The following MRPL38 variants were observed in gnomAD, a reference collection of about 807,000 sequenced individuals.
The protein encoded by MRPL38 is large ribosomal subunit protein mL38.
In MRPL38, 51 loss-of-function variants were observed where a neutral mutation model predicts 52.1. That is an observed-to-expected ratio of 0.98 (90% confidence interval 0.78 to 1.24). The LOEUF (loss-of-function observed/expected upper bound fraction) is 1.24, where lower values mean the gene tolerates loss of function less well. MRPL38 is among the 50% of genes most tolerant of loss of function. MRPL38 has a pLI of 0.00. For synonymous variants in MRPL38, 245 were observed against 212.7 expected (o/e 1.15, Z -1.32); for missense variants, 527 against 518.6 (o/e 1.02, Z -0.16).
chr17:75,902,155 C>G lies in MRPL38; in HGVS notation c.248-1G>C. 6.4e-7 allele frequency: 1 copy of G among 1,555,502 alleles called. No homozygotes were observed. Among genetic ancestry groups the G allele is most frequent in the Non-Finnish European group, 8.7e-7 (1 of 1,149,292 alleles). On this transcript the variant is annotated splice_acceptor_variant, in intron 2 of 8. Coordinates refer to ENST00000309352, the MANE Select transcript of MRPL38 (RefSeq NM_032478.4). LOFTEE classifies it high-confidence loss of function. The stretch of plus-strand genomic sequence containing the variant: ...CCAATATCAATCTTCTCTTTGGGAT[C>G]TGGAGTGGGAAGATGTGTGGGAAAA...
chr17:75,903,442 T>C (rs1287504241), intron 2 of MRPL38, among the ~76,000 whole-genome samples: 10 of 152,050 alleles, frequency 6.6e-5, no homozygotes, highest in Admixed American at 5.9e-4. Flanking sequence ...AACGAAAACA[T>C]ACTGAGCCCT....
rs1039187188 is a variant in MRPL38, at chr17:75,904,232, T to C, written c.247+308A>G. On this transcript the variant is annotated intron_variant, in intron 2 of 8. Transcript: ENST00000309352. Reference sequence around the variant, plus strand: ...TGTGGCCAGAGTTACCTACAGAGTATTTGAGGCGCACAGAACGGCATCCCA... The same window carrying C: ...TGTGGCCAGAGTTACCTACAGAGTACTTGAGGCGCACAGAACGGCATCCCA... The C allele has an allele frequency of 7.1e-6, 4 of 563,334 alleles. No homozygotes were observed. In the African/African-American group the frequency reaches 7.5e-5, roughly 11 times the overall value. 34.9% of individuals were successfully genotyped at this position (563,334 alleles called of 1,614,324 possible).
At chr17:75,904,049 C>T (rs1300172436) in intron 2 of MRPL38, among the ~76,000 whole-genome samples, 1 of 152,142 alleles carries the variant, frequency 6.6e-6, no homozygotes, top group Non-Finnish European at 1.5e-5. Context: ...TTTTTTGAGT[C>T]ACCCTGCCCA....
chr17:75,904,349 G>A, intron 2 of MRPL38, 191 bp downstream of exon 2: 1 of 727,012 alleles, frequency 1.4e-6, no homozygotes, highest in Non-Finnish European at 2.5e-6. Flanking sequence ...CAAGAATGAG[G>A]TGCAGAAGGT....
intron 6 of MRPL38, 165 bp from the exon 7 acceptor site, chr17:75,899,839 C>A: frequency 2.0e-6 from 1 of 490,068 alleles, no homozygotes. Flanking sequence ...AACGCCGGGA[C>A]ATGCTGCAAA....
chr17:75,900,775 G>C lies in MRPL38; in HGVS notation c.710+207C>G, dbSNP rs921595102. On this transcript the variant is annotated intron_variant, in intron 6 of 8. Coordinates refer to ENST00000309352, the MANE Select transcript of MRPL38 (RefSeq NM_032478.4). ...ATGAGGAGGCTTGTGGGGACTGACC[G>C]AGGCCTACTGCAAACTTTGTCTCCT... 10 of 1,387,830 alleles carry C rather than the reference G, an allele frequency of 7.2e-6. No individual in the cohort carries two copies. The South Asian group carries it at 1.4e-4, about 20-fold the overall frequency. 86.0% of individuals were successfully genotyped at this position (1,387,830 alleles called of 1,614,324 possible).
intron 2 of MRPL38, among the ~76,000 whole-genome samples, chr17:75,903,185 G>A (rs1254531504): frequency 6.6e-6 from 1 of 152,210 alleles, no homozygotes; most frequent in African/African-American, 2.4e-5. Flanking sequence ...GAGGCAGGGG[G>A]ATCACTTGAG....
At position 75,901,877 on chromosome 17, in the gene MRPL38, G is replaced by A; in HGVS notation, c.426C>T (p.Thr142=). Residue 142 remains threonine (T), a synonymous_variant, in exon 4 of 9, where the codon ACC becomes ACT. Coordinates refer to ENST00000309352, the MANE Select transcript of MRPL38 (RefSeq NM_032478.4). This position sits in a 1 kb window ranked among gnomAD's most constrained non-coding sequence, Gnocchi z 5.7. ...LDAVRAEWER[T]CGPYHKQRLA... is the part of the protein sequence containing the mutation. ...GACGCTGCTTGTGGTAGGGGCCACA[G>A]GTCCTCTCCCACTCGGCCCGCACGG... 1 of 1,612,848 alleles carries A rather than the reference G, an allele frequency of 6.2e-7. No individual in the cohort carries two copies. Among genetic ancestry groups the A allele is most frequent in the Non-Finnish European group, 8.5e-7 (1 of 1,179,750 alleles).
chr17:75,899,704 C>T, intron 6 of MRPL38, 30 bp from the exon 7 acceptor site: 1 of 1,532,178 alleles, frequency 6.5e-7, no homozygotes, highest in Non-Finnish European at 8.8e-7. Flanking sequence ...GGTTAATTAC[C>T]ACTCCAGGGA....
At chr17:75,899,458 G>A in intron 7 of MRPL38, 58 bp downstream of exon 7, 1 of 1,537,864 alleles carries the variant, frequency 6.5e-7, no homozygotes, top group Non-Finnish European at 8.8e-7. Flanking sequence ...CTGAGCAAGA[G>A]TGACCGTTCC....
At chr17:75,899,762 A>T in intron 6 of MRPL38, 88 bp from the exon 7 acceptor site, 1 of 1,189,512 alleles carries the variant, frequency 8.4e-7, no homozygotes, top group Non-Finnish European at 1.1e-6. Context: ...AGAGGCTGAC[A>T]TGACTCCCTG....
chr17:75,904,439 A>G, intron 2 of MRPL38, 101 bp downstream of exon 2: 1 of 1,311,760 alleles, frequency 7.6e-7, no homozygotes, highest in Non-Finnish European at 1.0e-6. Context: ...CCCAGCATCC[A>G]CAAGGGCGCC....
Position 75,902,073 on chromosome 17 carries a change from A to G in MRPL38, c.329T>C (p.Ile110Thr), listed in dbSNP as rs921233604. 1.2e-6 allele frequency: 2 copies of G among 1,611,788 alleles called. No homozygotes were observed. Among genetic ancestry groups the G allele is most frequent in the African/African-American group, 2.7e-5 (2 of 74,906 alleles). Residue 110 changes from isoleucine (I) to threonine (T), a missense_variant, in exon 3 of 9, where the codon ATC becomes ACC. Transcript: ENST00000309352. ...TTCCACATTGGCCCGAAGCTCCTGG[A>G]TGGCCTGTTTCCGTTCCAGTAGCTG... ...TQQLLERKQA[I>T]QELRANVEEE...
intron 1 of MRPL38, 39 bp downstream of exon 1, chr17:75,904,770 G>GGGCCCCCC: frequency 1.3e-4 from 63 of 500,360 alleles, no homozygotes; most frequent in East Asian, 3.1e-4. Flanking sequence ...TCGGGCGACA[G>GGGCCCCCC]CCCCCCCCCC....
At chr17:75,904,772 C>CGG in intron 1 of MRPL38, 37 bp downstream of exon 1, 1 of 51,046 alleles carries the variant, frequency 2.0e-5, no homozygotes, top group Non-Finnish European at 2.6e-5. Context: ...GGGCGACAGC[C>CGG]CCCCCCCCCC....
chr17:75,898,937 G>C lies in MRPL38; in HGVS notation c.1056C>G (p.Pro352=). The C allele has an allele frequency of 6.2e-7, 1 of 1,608,270 alleles. No individual in the cohort carries two copies. The highest frequency in any genetic ancestry group is 8.5e-7 in the Non-Finnish European group (1 of 1,178,520). Residue 352 remains proline, a synonymous_variant, in exon 9 of 9, where the codon CCC becomes CCG. Transcript: ENST00000309352. ...GCCGGTGGGGGAAGCGCTTCTGCTT[G>C]GGGTGGTAAGGGGGCGGCCGCACGA... ...FEFVRPPPYH[P]KQKRFPHRQP...
Position 75,901,381 on chromosome 17 carries a change from C to G in MRPL38, c.592-108G>C, listed in dbSNP as rs771517133. The G allele has an allele frequency of 3.8e-5, 42 of 1,102,514 alleles. No individual in the cohort carries two copies. The highest frequency in any genetic ancestry group is 5.0e-5 in the Non-Finnish European group (37 of 744,766). The allele number at this position is 1,102,514 out of a possible 1,614,324, so 68.3% of individuals were successfully genotyped here. On this transcript the variant is annotated intron_variant, in intron 4 of 8. Coordinates refer to ENST00000309352, the MANE Select transcript of MRPL38 (RefSeq NM_032478.4). This position sits in a 1 kb window ranked among gnomAD's most constrained non-coding sequence, Gnocchi z 5.7. ...TCTGACCCAAAAGCCCTTGACAACCCCTGGCACAGGCAGGCAGGCAAAGGG... is the reference window on the plus strand; with the variant it reads ...TCTGACCCAAAAGCCCTTGACAACCGCTGGCACAGGCAGGCAGGCAAAGGG...
intron 6 of MRPL38, 131 bp from the exon 7 acceptor site, chr17:75,899,805 C>T (rs1039195911): frequency 2.6e-5 from 19 of 745,022 alleles, no homozygotes; most frequent in Non-Finnish European, 3.4e-5. Context: ...TCTCCTGGGA[C>T]AGAGGAGGCA....
At position 75,898,997 on chromosome 17, in the gene MRPL38, A is replaced by C. The variant is rs941064690; in HGVS notation, c.1007-11T>G. On this transcript the variant is annotated splice_polypyrimidine_tract_variant and intron_variant, in intron 8 of 8. Coordinates refer to ENST00000309352, the MANE Select transcript of MRPL38 (RefSeq NM_032478.4). ...CCGGCTCCCGCATGTCTGCAAGAAG[A>C]GTGAGGGGTACGGGGTGGTCTGCTG... 12 of 1,588,254 alleles carry C rather than the reference A, an allele frequency of 7.6e-6. No individual in the cohort carries two copies. The highest frequency in any genetic ancestry group is 1.0e-5 in the Non-Finnish European group (12 of 1,168,538).
Sources: gnomAD v4.1 joint callset for allele counts (sites outside exome capture counted in the v4.1 genomes callset) on GRCh38, gnomAD v4.1.1 for gene constraint, Gnocchi (gnomAD v3.1) non-coding constraint, MANE v1.5 for transcripts, NCBI Gene and HGNC (gene_info 2026-07-23, HGNC 2026-07-21) for gene names.